LRSAM1: variants seen among roughly 807,000 people sequenced by gnomAD.
The protein encoded by LRSAM1 is E3 ubiquitin-protein ligase LRSAM1.
A neutral mutation model predicts 118.1 loss-of-function variants in LRSAM1; 96 were observed. The observed-to-expected ratio is 0.81, with a 90% CI of 0.69 to 0.96. The LOEUF is 0.96. Among genes scored for constraint, LRSAM1 ranks in the 40% least tolerant of loss-of-function variants. LRSAM1 has a pLI of 0.00. For synonymous variants in LRSAM1, 322 were observed against 364.2 expected (o/e 0.88, Z 1.32); for missense variants, 804 against 915.5 (o/e 0.88, Z 1.57).
chr9:127,485,188 A>T (rs1276646310), intron 16 of LRSAM1, among the ~76,000 whole-genome samples: 1 of 152,208 alleles, frequency 6.6e-6, no homozygotes, highest in Non-Finnish European at 1.5e-5. Flanking sequence ...TTTCTGGATG[A>T]CAAGATCACA....
rs773899723 is a variant in LRSAM1, at chr9:127,501,138, C to T, written c.2041C>T (p.Arg681Trp). 1.4e-5 allele frequency: 23 copies of T among 1,612,986 alleles called. No individual in the cohort carries two copies. The South Asian group carries it at 1.8e-4, about 12-fold the overall frequency. Residue 681 changes from arginine to tryptophan, a missense_variant, in exon 25 of 26, where the codon CGG becomes TGG. By Grantham distance (101) the Arg-to-Trp change is moderately radical. Coordinates refer to ENST00000300417, the MANE Select transcript of LRSAM1 (RefSeq NM_001005373.4). ...QASECVVCLE[R>W]EAQMIFLNCG... Reference sequence around the variant, plus strand: ...CTCAGAGTGTGTCGTGTGCCTGGAACGGGAGGTAAGTCCGGGGCCCTCCCC... The same window carrying T: ...CTCAGAGTGTGTCGTGTGCCTGGAATGGGAGGTAAGTCCGGGGCCCTCCCC...
chr9:127,491,680 G>A (rs1470286363), intron 20 of LRSAM1, among the ~76,000 whole-genome samples: 5 of 152,238 alleles, frequency 3.3e-5, no homozygotes, highest in Non-Finnish European at 5.9e-5. Flanking sequence ...GAGCTTTTGG[G>A]TGTCCCGGGT....
At chr9:127,467,641 G>C (rs1047484530) in intron 9 of LRSAM1, 99 bp from the exon 10 acceptor site, 52 of 1,150,002 alleles carry the variant, frequency 4.5e-5, no homozygotes, top group Non-Finnish European at 1.7e-5. Flanking sequence ...ATTCCTGCTG[G>C]GTAGAGGTGA....
At chr9:127,474,044 G>A (rs537075932) in intron 11 of LRSAM1, 113 bp downstream of exon 11, 43 of 1,516,438 alleles carry the variant, frequency 2.8e-5, no homozygotes, top group Non-Finnish European at 3.8e-5. Flanking sequence ...GCAGCTCCCA[G>A]ATTCCTCCAT....
intron 25 of LRSAM1, among the ~76,000 whole-genome samples, chr9:127,502,519 T>C (rs759327809): frequency 3.3e-5 from 5 of 151,836 alleles, no homozygotes; most frequent in Non-Finnish European, 7.4e-5. Flanking sequence ...ACCCCATCTC[T>C]ACTAAAAATA....
chr9:127,482,812 C>A, intron 15 of LRSAM1, 138 bp from the exon 16 acceptor site: 1 of 754,854 alleles, frequency 1.3e-6, no homozygotes, highest in Middle Eastern at 2.3e-4. Flanking sequence ...GCTTGTGATG[C>A]GGTAGGCATC....
chr9:127,476,119 TGAGGAG>T (rs1835341778), intron 11 of LRSAM1, among the ~76,000 whole-genome samples: 1 of 152,212 alleles, frequency 6.6e-6, no homozygotes, highest in Admixed American at 6.5e-5. Context: ...AATGCTTGCA[TGAGGAG>T]ACATTTGCAG....
At chr9:127,482,611 A>G (rs1043551817) in intron 15 of LRSAM1, among the ~76,000 whole-genome samples, 4 of 152,216 alleles carry the variant, frequency 2.6e-5, no homozygotes, top group Non-Finnish European at 5.9e-5. Context: ...CTGTCAACCA[A>G]CCTAGTAGGT....
chr9:127,485,834 A>C lies in LRSAM1; in HGVS notation c.1258A>C (p.Ser420Arg). The change falls in exon 17 of 26, where the codon AGC becomes CGC. Residue 420 changes from serine (S) to arginine (R), a missense_variant and splice_region_variant. Transcript: ENST00000300417. ...GAACTTGGTCCAGCAGGCCTGTTCC[A>C]GGTAAGGTAAGGAAGAGGAGTCCCA... ...RQNLVQQACS[S>R]MAEMDERFQQ... 6.2e-7 allele frequency: 1 copy of C among 1,613,892 alleles called. No individual in the cohort carries two copies. The highest frequency in any genetic ancestry group is 8.5e-7 in the Non-Finnish European group (1 of 1,179,856).
intron 9 of LRSAM1, among the ~76,000 whole-genome samples, chr9:127,466,200 T>C (rs1243508715): frequency 1.3e-5 from 2 of 151,642 alleles, no homozygotes; most frequent in Non-Finnish European, 2.9e-5. Context: ...TTCCAGCTAC[T>C]CGGGAGGCTG....
At position 127,491,651 on chromosome 9, in the gene LRSAM1, C is replaced by T. The variant is rs1283081226; in HGVS notation, c.1503+356C>T. 3.3e-5 allele frequency among the ~76,000 whole-genome samples: 5 copies of T among 152,374 alleles called. No homozygotes were observed. In the East Asian group the frequency reaches 9.6e-4, roughly 29 times the overall value. On this transcript the variant is annotated intron_variant, in intron 20 of 25. Coordinates refer to ENST00000300417, the MANE Select transcript of LRSAM1 (RefSeq NM_001005373.4). ...GTAGGCCGTGCTTTAGGCCCCCAGG[C>T]ACACATCCTCCAGGGCTGGAGCTTT...
Position 127,496,176 on chromosome 9 carries a change from T to G in LRSAM1, c.1830+81T>G, listed in dbSNP as rs911094387. On this transcript the variant is annotated intron_variant, in intron 23 of 25. Coordinates refer to ENST00000300417, the MANE Select transcript of LRSAM1 (RefSeq NM_001005373.4). ...CAGCCGGGGGTTGATCTGCTCCTTG[T>G]GTAGTCCTCGTTGAGGCCTGTCCTT... is the stretch of plus-strand genomic sequence containing the variant. 10 of 1,577,072 alleles carry G rather than the reference T, an allele frequency of 6.3e-6. No homozygotes were observed. In the African/African-American group the frequency reaches 1.3e-4, roughly 21 times the overall value.
At position 127,489,431 on chromosome 9, in the gene LRSAM1, G is replaced by T; in HGVS notation, c.1348-13G>T. On this transcript the variant is annotated splice_polypyrimidine_tract_variant and intron_variant, in intron 18 of 25. Transcript: ENST00000300417. ...GCACGGCCCCTGCTGAGGGCTGGTG[G>T]TCTGTGTTGCAGAGCGCGATGCAGA... 6.2e-7 allele frequency: 1 copy of T among 1,603,092 alleles called. No homozygotes were observed.
chr9:127,476,438 C>T (rs528909104), intron 11 of LRSAM1, among the ~76,000 whole-genome samples: 3 of 151,986 alleles, frequency 2.0e-5, no homozygotes, highest in South Asian at 2.1e-4. Flanking sequence ...GTCCCAGCTA[C>T]GAGGGAGGCT....
chr9:127,485,724 A>G lies in LRSAM1; in HGVS notation c.1160-12A>G. On this transcript the variant is annotated splice_polypyrimidine_tract_variant and intron_variant, in intron 16 of 25. Transcript: ENST00000300417. ...CACTCCACTCAGCTGTCCCCACCTC[A>G]TGTTCCCACAGCCGCCATGCAGCAG... 2 of 1,613,956 alleles carry G rather than the reference A, an allele frequency of 1.2e-6. No individual in the cohort carries two copies. The highest frequency in any genetic ancestry group is 1.7e-6 in the Non-Finnish European group (2 of 1,179,964).
intron 14 of LRSAM1, among the ~76,000 whole-genome samples, chr9:127,480,944 G>T (rs905898142): frequency 6.6e-5 from 10 of 152,156 alleles, no homozygotes; most frequent in African/African-American, 2.2e-4. Flanking sequence ...CTCCCAAAGT[G>T]CTGGGATTAC....
chr9:127,492,098 C>T (rs1835954804), intron 20 of LRSAM1, among the ~76,000 whole-genome samples: 1 of 152,218 alleles, frequency 6.6e-6, no homozygotes. Flanking sequence ...TCCCTGGTCT[C>T]AGGTGCACCG....
At chr9:127,472,352 A>T (rs1481909570) in intron 10 of LRSAM1, among the ~76,000 whole-genome samples, 1 of 152,054 alleles carries the variant, frequency 6.6e-6, no homozygotes, top group Non-Finnish European at 1.5e-5. Flanking sequence ...TTTAAAAAAC[A>T]TTAAAGAGGC....
intron 22 of LRSAM1, 23 bp downstream of exon 22, chr9:127,495,441 C>T: frequency 6.2e-7 from 1 of 1,608,152 alleles, no homozygotes; most frequent in Middle Eastern, 1.8e-4. Flanking sequence ...GGTGCCTGTC[C>T]CGGCCAGGGA....
Sources: gnomAD v4.1 joint callset for allele counts (sites outside exome capture counted in the v4.1 genomes callset) on GRCh38, gnomAD v4.1.1 for gene constraint, MANE v1.5 for transcripts, NCBI Gene and HGNC (gene_info 2026-07-23, HGNC 2026-07-21) for gene names.